Variants in REEP3 observed in about 807,000 individuals in gnomAD.
The protein encoded by REEP3 is receptor expression-enhancing protein 3.
REEP3 carries 20 observed loss-of-function variants against 41.3 expected under a neutral mutation model. The ratio of observed to expected loss-of-function variants is 0.48; its 90% CI spans 0.34 to 0.70. REEP3 has a LOEUF of 0.70. Ranked by LOEUF, REEP3 falls within the 30% of genes least tolerant of loss-of-function variation. The pLI is 0.01. For missense variants in REEP3, 271 were observed against 308.8 expected (o/e 0.88, Z 0.92); for synonymous variants, 104 against 101.8 (o/e 1.02, Z -0.13).
chr10:63,585,062 T>G (rs1022444164), intron 2 of REEP3, among the ~76,000 whole-genome samples: 2 of 152,180 alleles, frequency 1.3e-5, no homozygotes, highest in African/African-American at 2.4e-5. Flanking sequence ...TTGTTTAAAC[T>G]CTGTTAACTT....
intron 6 of REEP3, 66 bp downstream of exon 6, chr10:63,610,400 G>C: frequency 6.9e-7 from 1 of 1,449,434 alleles, no homozygotes; most frequent in East Asian, 2.5e-5. Context: ...AACATACACT[G>C]GGGCCTGTCG....
chr10:63,609,249 G>A (rs1470443566), intron 5 of REEP3, among the ~76,000 whole-genome samples: 4 of 149,990 alleles, frequency 2.7e-5, no homozygotes, highest in African/African-American at 4.9e-5. Flanking sequence ...TCAGGAGATC[G>A]AGACCATCCT....
At chr10:63,566,049 A>G (rs1489479994) in intron 1 of REEP3, among the ~76,000 whole-genome samples, 1 of 151,842 alleles carries the variant, frequency 6.6e-6, no homozygotes, top group Non-Finnish European at 1.5e-5. Context: ...ACGCCCGGCT[A>G]ATTTTTTTGT....
intron 1 of REEP3, among the ~76,000 whole-genome samples, chr10:63,555,538 A>G (rs996726891): frequency 6.6e-6 from 1 of 152,208 alleles, no homozygotes; most frequent in Non-Finnish European, 1.5e-5. Context: ...GGTTATCAGT[A>G]GACTTTGCAC....
chr10:63,527,566 G>A (rs191797308), intron 1 of REEP3, among the ~76,000 whole-genome samples: 11 of 151,394 alleles, frequency 7.3e-5, no homozygotes, highest in Admixed American at 1.3e-4. Flanking sequence ...CTGTAATCCC[G>A]GCTACTGTGG....
intron 2 of REEP3, among the ~76,000 whole-genome samples, chr10:63,591,481 G>A (rs1007231777): frequency 6.6e-6 from 1 of 152,148 alleles, no homozygotes; most frequent in African/African-American, 2.4e-5. Flanking sequence ...AAGCCATGGG[G>A]TTTGCATATG....
At chr10:63,560,746 C>A (rs1955732975) in intron 1 of REEP3, among the ~76,000 whole-genome samples, 1 of 152,134 alleles carries the variant, frequency 6.6e-6, no homozygotes, top group Non-Finnish European at 1.5e-5. Context: ...ATAAGCCCTC[C>A]ATTTATCTTG....
At chr10:63,589,785 CTTT>C (rs59658061) in intron 2 of REEP3, among the ~76,000 whole-genome samples, 3 of 80,834 alleles carry the variant, frequency 3.7e-5, no homozygotes, top group East Asian at 4.7e-4. Flanking sequence ...AGCAGAACAT[CTTT>C]TTTTTTTTTT....
intron 5 of REEP3, among the ~76,000 whole-genome samples, chr10:63,601,079 G>A (rs184245091): frequency 2.3e-4 from 35 of 151,962 alleles, no homozygotes; most frequent in African/African-American, 7.0e-4. Flanking sequence ...GCTTGAACCC[G>A]GGAGGCGGAG....
intron 1 of REEP3, among the ~76,000 whole-genome samples, chr10:63,526,797 A>G (rs951139559): frequency 3.9e-5 from 6 of 152,126 alleles, no homozygotes; most frequent in Non-Finnish European, 7.4e-5. Flanking sequence ...ACCTTATGTG[A>G]TATTTCATGC....
chr10:63,536,042 G>A (rs959181621), intron 1 of REEP3, among the ~76,000 whole-genome samples: 1 of 152,172 alleles, frequency 6.6e-6, no homozygotes, highest in South Asian at 2.1e-4. Flanking sequence ...ATTATTCTAA[G>A]CAGTTTCAAA....
At chr10:63,620,682 A>G (rs1956346657) in intron 7 of REEP3, 131 bp from the exon 8 acceptor site, 2 of 558,792 alleles carry the variant, frequency 3.6e-6, no homozygotes, top group East Asian at 2.9e-5. Context: ...TGTCTTATAT[A>G]CATTTATTAA....
Position 63,610,185 on chromosome 10 carries a change from A to G in REEP3, c.418-2A>G, listed in dbSNP as rs1208830962. 1 of 1,608,192 alleles carries G rather than the reference A, an allele frequency of 6.2e-7. No individual in the cohort carries two copies. Among genetic ancestry groups the G allele is most frequent in the Non-Finnish European group, 8.5e-7 (1 of 1,177,076 alleles). ...TGGACCTATCACTTCTCTGTTAAAT[A>G]GAGCCAAGGAGCAATAACTGAACGT... On this transcript the variant is annotated splice_acceptor_variant, in intron 5 of 7. Coordinates refer to ENST00000373758, the MANE Select transcript of REEP3 (RefSeq NM_001001330.3). LOFTEE classifies it high-confidence loss of function.
chr10:63,590,519 ATT>A (rs34524650), intron 2 of REEP3, among the ~76,000 whole-genome samples: 57 of 150,512 alleles, frequency 3.8e-4, no homozygotes, highest in East Asian at 3.3e-3. Flanking sequence ...GATCAAGGAA[ATT>A]TTTTTTTTTT....
chr10:63,592,032 A>G (rs1956069032), intron 2 of REEP3, among the ~76,000 whole-genome samples: 1 of 152,192 alleles, frequency 6.6e-6, no homozygotes, highest in East Asian at 1.9e-4. Flanking sequence ...AATTTATTAA[A>G]TTTTCTGTGA....
rs534955266 is a variant in REEP3 at position 63,535,740 on chromosome 10, A to G, written c.32+14163A>G. Among the ~76,000 whole-genome samples the G allele has an allele frequency of 6.4e-4, 98 of 152,326 alleles. 1 individual carries two copies. Among genetic ancestry groups the G allele is most frequent in the South Asian group, 6.0e-3 (29 of 4,830 alleles). On this transcript the variant is annotated intron_variant, in intron 1 of 7. Transcript: ENST00000373758. ...TAGAATTCAAAATCAATGGGAAAGTATACCTAACTTAATAAATAGTGTTGT... is the reference window on the plus strand; with the variant it reads ...TAGAATTCAAAATCAATGGGAAAGTGTACCTAACTTAATAAATAGTGTTGT...
chr10:63,526,805 T>C (rs1955368957), intron 1 of REEP3, among the ~76,000 whole-genome samples: 1 of 152,194 alleles, frequency 6.6e-6, no homozygotes, highest in Admixed American at 6.5e-5. Flanking sequence ...TGATATTTCA[T>C]GCAAATGTGT....
chr10:63,608,454 A>G (rs759428438), intron 5 of REEP3, among the ~76,000 whole-genome samples: 1 of 152,230 alleles, frequency 6.6e-6, no homozygotes, highest in Non-Finnish European at 1.5e-5. Flanking sequence ...TCTTGAGTGT[A>G]AAATATAAGT....
intron 3 of REEP3, among the ~76,000 whole-genome samples, chr10:63,595,424 G>T (rs1956104693): frequency 6.6e-6 from 1 of 152,228 alleles, no homozygotes; most frequent in East Asian, 1.9e-4. Flanking sequence ...ATCTCCCTGT[G>T]GTGTATTTCA....
Sources: gnomAD v4.1 joint callset for allele counts (sites outside exome capture counted in the v4.1 genomes callset) on GRCh38, gnomAD v4.1.1 for gene constraint, MANE v1.5 for transcripts, NCBI Gene and HGNC (gene_info 2026-07-23, HGNC 2026-07-21) for gene names.